EXOC4: variants seen among roughly 807,000 people sequenced by gnomAD.
The protein encoded by EXOC4 is exocyst complex component 4.
EXOC4 carries 71 observed loss-of-function variants against 107.2 expected under a neutral mutation model. The ratio of observed to expected loss-of-function variants is 0.66; its 90% CI spans 0.55 to 0.81. The LOEUF (loss-of-function observed/expected upper bound fraction) is 0.81. Among genes scored for constraint, EXOC4 ranks in the 30% least tolerant of loss-of-function variants. EXOC4 has a pLI of 0.00. For missense variants in EXOC4, 1,108 were observed against 1,189.6 expected, an observed-to-expected ratio of 0.93 and a Z score of 1.01; for synonymous variants, 456 against 441.2, an observed-to-expected ratio of 1.03 and a Z score of -0.42.
At chr7:133,458,131 T>A (rs1292931069) in intron 7 of EXOC4, among the ~76,000 whole-genome samples, 1 of 152,226 alleles carries the variant, frequency 6.6e-6, no homozygotes, top group Non-Finnish European at 1.5e-5. Flanking sequence ...AGTTCTGTAG[T>A]TATTTTGTCT....
chr7:134,022,530 G>A (rs1261949652), intron 17 of EXOC4, among the ~76,000 whole-genome samples: 1 of 151,824 alleles, frequency 6.6e-6, no homozygotes, highest in African/African-American at 2.4e-5. Flanking sequence ...AAGCCAAAGA[G>A]TCTGTAATAG....
At chr7:133,328,251 C>T (rs1323062215) in intron 5 of EXOC4, among the ~76,000 whole-genome samples, 1 of 143,146 alleles carries the variant, frequency 7.0e-6, no homozygotes. Context: ...GATTGCAACC[C>T]CTGTTTTTTT....
intron 10 of EXOC4, among the ~76,000 whole-genome samples, chr7:133,766,331 CT>C (rs1336277202): frequency 6.6e-6 from 1 of 151,910 alleles, no homozygotes; most frequent in Non-Finnish European, 1.5e-5. Flanking sequence ...ACTGTATGTG[CT>C]TGTGTTAATT....
In EXOC4 at chr7:133,294,183, G is replaced by A. The variant is rs369336313; in HGVS notation, c.471+5067G>A. ...TACAAAGAGTGATTAATTCTGGGAAGAATTATTAATATAAGAATAGCAGCT... is the reference window on the plus strand; with the variant it reads ...TACAAAGAGTGATTAATTCTGGGAAAAATTATTAATATAAGAATAGCAGCT... On this transcript the variant is annotated intron_variant, in intron 3 of 17. Coordinates refer to ENST00000253861, the MANE Select transcript of EXOC4 (RefSeq NM_021807.4). Among the ~76,000 whole-genome samples the A allele has an allele frequency of 3.0e-3, 460 of 152,294 alleles. 2 individuals carry two copies. Among genetic ancestry groups the A allele is most frequent in the African/African-American group, 0.01 (430 of 41,582 alleles).
chr7:133,266,354 T>C (rs1191351502), intron 1 of EXOC4, among the ~76,000 whole-genome samples: 1 of 152,186 alleles, frequency 6.6e-6, no homozygotes, highest in Non-Finnish European at 1.5e-5. Context: ...GAGTCAGAGA[T>C]TCAACATTTG....
intron 12 of EXOC4, among the ~76,000 whole-genome samples, chr7:133,910,500 C>G (rs999573640): frequency 6.6e-6 from 1 of 152,180 alleles, no homozygotes; most frequent in Admixed American, 6.5e-5. Flanking sequence ...TCATAAAGCT[C>G]TCTGACCAGC....
chr7:133,380,900 A>G (rs541055685), intron 7 of EXOC4, among the ~76,000 whole-genome samples: 9 of 152,280 alleles, frequency 5.9e-5, no homozygotes, highest in African/African-American at 1.2e-4. Context: ...ATTTTGTTTA[A>G]TTGCTCTGAG....
chr7:134,030,032 T>C (rs1795234703), intron 17 of EXOC4, among the ~76,000 whole-genome samples: 1 of 152,212 alleles, frequency 6.6e-6, no homozygotes, highest in African/African-American at 2.4e-5. Context: ...CATTCATACA[T>C]CAAATATTTA....
intron 9 of EXOC4, among the ~76,000 whole-genome samples, chr7:133,502,015 A>G (rs748160728): frequency 6.6e-6 from 1 of 152,148 alleles, no homozygotes; most frequent in Non-Finnish European, 1.5e-5. Flanking sequence ...CATGCACAAC[A>G]TCCAATTTTT....
At chr7:133,705,476 A>G (rs1794749075) in intron 10 of EXOC4, among the ~76,000 whole-genome samples, 1 of 152,246 alleles carries the variant, frequency 6.6e-6, no homozygotes, top group Non-Finnish European at 1.5e-5. Flanking sequence ...GTTACTAAAC[A>G]AATAAAAATA....
intron 13 of EXOC4, among the ~76,000 whole-genome samples, chr7:133,932,165 T>C (rs1444473616): frequency 6.6e-6 from 1 of 152,226 alleles, no homozygotes; most frequent in Non-Finnish European, 1.5e-5. Context: ...TTCTGATTGC[T>C]TTCGTAATAT....
At chr7:133,761,819 C>A (rs1302222267) in intron 10 of EXOC4, among the ~76,000 whole-genome samples, 1 of 152,190 alleles carries the variant, frequency 6.6e-6, no homozygotes, top group East Asian at 1.9e-4. Flanking sequence ...CAAATACTTT[C>A]ACCTGGGCCC....
chr7:133,698,684 A>G (rs1000772476), intron 10 of EXOC4, among the ~76,000 whole-genome samples: 1 of 152,024 alleles, frequency 6.6e-6, no homozygotes, highest in Non-Finnish European at 1.5e-5. Flanking sequence ...ACAGCAACCT[A>G]TATTCAGTGT....
At position 133,464,810 on chromosome 7, in the gene EXOC4, G is replaced by GTTTTTTTTTTTTT. The variant is rs1491525276; in HGVS notation, c.1183-10518_1183-10517insTTTTTTTTTTTTT. On this transcript the variant is annotated intron_variant, in intron 7 of 17. Coordinates refer to ENST00000253861, the MANE Select transcript of EXOC4 (RefSeq NM_021807.4). ...GTTTTTTTTTTTTGTTGGTTGGGTT[G>GTTTTTTTTTTTTT]GTTTTTTTTTTTTTTTTTTTTTTTT... Among the ~76,000 whole-genome samples the GTTTTTTTTTTTTT allele has an allele frequency of 9.5e-5, 10 of 105,686 alleles. 1 individual carries two copies. The highest frequency in any genetic ancestry group is 6.9e-4 in the East Asian group (2 of 2,912). The allele number at this position is 105,686 out of a possible 152,430, so 69.3% of individuals were successfully genotyped here. A position where few individuals can be genotyped will look rare whatever the true frequency, so the allele number is the denominator to read the frequency against.
intron 2 of EXOC4, among the ~76,000 whole-genome samples, chr7:133,283,165 TG>T (rs1211387975): frequency 2.0e-5 from 3 of 152,164 alleles, no homozygotes; most frequent in African/African-American, 7.2e-5. Context: ...GAGTAAATGG[TG>T]CAGTCGGCTC....
At chr7:133,256,960 G>A (rs1284833334) in intron 1 of EXOC4, among the ~76,000 whole-genome samples, 2 of 152,186 alleles carry the variant, frequency 1.3e-5, no homozygotes, top group African/African-American at 4.8e-5. Flanking sequence ...ATGAAGTATA[G>A]TGTAATTGTA....
At chr7:134,094,788 T>C in the EXOC4 span, among the ~76,000 whole-genome samples, 1 of 151,998 alleles carries the variant, frequency 6.6e-6, no homozygotes, top group Non-Finnish European at 1.5e-5. Flanking sequence ...CCAACATCGA[T>C]TCATAATAAA....
intron 5 of EXOC4, among the ~76,000 whole-genome samples, chr7:133,318,216 TTTC>T (rs1795035491): frequency 6.6e-6 from 1 of 152,194 alleles, no homozygotes; most frequent in South Asian, 2.1e-4. Flanking sequence ...AAACTTATCT[TTTC>T]TTCTTTGGAG....
chr7:133,278,166 A>G (rs955878266), intron 2 of EXOC4, among the ~76,000 whole-genome samples: 3 of 152,364 alleles, frequency 2.0e-5, no homozygotes, highest in African/African-American at 7.2e-5. Context: ...GCTTATGTGC[A>G]AATGAGAGGA....
Sources: allele counts gnomAD v4.1 joint callset (sites outside exome capture counted in the v4.1 genomes callset), GRCh38; gene constraint gnomAD v4.1.1; transcripts MANE v1.5; gene names NCBI Gene and HGNC (gene_info 2026-07-23, HGNC 2026-07-21).